The following CDADC1 variants were observed in gnomAD, a reference collection of about 807,000 sequenced individuals.
The protein encoded by CDADC1 is cytidine and dCMP deaminase domain containing 1.
In CDADC1, 39 loss-of-function variants were observed where a neutral mutation model predicts 54.9. The ratio of observed to expected loss-of-function variants is 0.71; its 90% CI spans 0.55 to 0.93. The LOEUF (loss-of-function observed/expected upper bound fraction) is 0.93. Among genes scored for constraint, CDADC1 ranks in the 40% least tolerant of loss-of-function variants. The pLI is 0.00. For missense variants in CDADC1, 518 were observed against 618.8 expected (o/e 0.84, Z 1.73); for synonymous variants, 186 against 204.0 (o/e 0.91, Z 0.75).
At chr13:49,267,366 C>A in intron 4 of CDADC1, 124 bp from the exon 5 acceptor site, 1 of 842,350 alleles carries the variant, frequency 1.2e-6, no homozygotes. Flanking sequence ...TAATAGGTGA[C>A]TTGGTAATAG....
intron 2 of CDADC1, among the ~76,000 whole-genome samples, chr13:49,254,350 A>G (rs1161973358): frequency 6.6e-6 from 1 of 151,148 alleles, no homozygotes; most frequent in Admixed American, 6.6e-5. Flanking sequence ...GTCAACATTT[A>G]CAAAGTTTCC....
At chr13:49,254,224 A>C (rs183151464) in intron 2 of CDADC1, among the ~76,000 whole-genome samples, 21 of 152,088 alleles carry the variant, frequency 1.4e-4, no homozygotes, top group Admixed American at 2.0e-4. Flanking sequence ...CACTTCCTCT[A>C]CTTCCTGTTC....
Position 49,268,049 on chromosome 13 carries a change from A to G in CDADC1, c.990A>G (p.Ala330=), listed in dbSNP as rs1952866721. ...RHCMVQARLL[A]YRTEDHKTGV... is the part of the protein sequence containing the mutation. ...GCATGGTTCAGGCCAGGTTATTGGC[A>G]TATCGAACTGGTGAGTTACATAGAT... The change falls in exon 5 of 10, where the codon GCA becomes GCG. Residue 330 remains alanine, a synonymous_variant. Transcript: ENST00000251108. The G allele has an allele frequency of 1.2e-6, 2 of 1,609,436 alleles. No individual in the cohort carries two copies. The highest frequency in any genetic ancestry group is 1.7e-6 in the Non-Finnish European group (2 of 1,178,478).
chr13:49,275,520 G>A (rs931617526), intron 6 of CDADC1, among the ~76,000 whole-genome samples: 1 of 151,044 alleles, frequency 6.6e-6, no homozygotes, highest in Admixed American at 6.6e-5. Context: ...ATGGGAAAAC[G>A]CATTTGATTT....
chr13:49,285,507 A>G (rs1953486737), intron 8 of CDADC1, among the ~76,000 whole-genome samples: 1 of 152,078 alleles, frequency 6.6e-6, no homozygotes, highest in South Asian at 2.1e-4. Context: ...TTTAATACCT[A>G]GGCCTTTTCT....
At chr13:49,254,235 T>C (rs1268682760) in intron 2 of CDADC1, among the ~76,000 whole-genome samples, 1 of 152,224 alleles carries the variant, frequency 6.6e-6, no homozygotes, top group Non-Finnish European at 1.5e-5. Flanking sequence ...CTTCCTGTTC[T>C]GTCTGAACAG....
chr13:49,251,232 A>G (rs913686216), intron 2 of CDADC1, among the ~76,000 whole-genome samples: 3 of 151,902 alleles, frequency 2.0e-5, no homozygotes, highest in African/African-American at 7.3e-5. Context: ...ACATGGTGAA[A>G]CCCCGTCTCT....
intron 8 of CDADC1, among the ~76,000 whole-genome samples, chr13:49,283,422 G>A (rs1953409585): frequency 6.6e-6 from 1 of 152,086 alleles, no homozygotes. Context: ...TATCCAACTA[G>A]TCAGAGAAAT....
intron 5 of CDADC1, among the ~76,000 whole-genome samples, chr13:49,269,620 A>T (rs1952913457): frequency 6.6e-6 from 1 of 152,182 alleles, no homozygotes; most frequent in Admixed American, 6.5e-5. Flanking sequence ...TTTTTCTGTA[A>T]ACCATTCAAA....
In CDADC1 at chr13:49,259,516, TGTAAATG is replaced by T. The variant is rs780073811; in HGVS notation, c.428_430+4del. 1 of 1,613,780 alleles carries T rather than the reference TGTAAATG, an allele frequency of 6.2e-7. No homozygotes were observed. On this transcript the variant is annotated frameshift_variant and splice_region_variant, in exon 4 of 10. Coordinates refer to ENST00000251108, the MANE Select transcript of CDADC1 (RefSeq NM_030911.4). LOFTEE classifies it high-confidence loss of function. ...CATGTTCTGCTTGTTTGAAAATGAT[TGTAAATG>T]GTAAGTGCAGAAAAGGGTTTGTTGG...
chr13:49,280,975 A>G (rs1254790974), intron 8 of CDADC1, among the ~76,000 whole-genome samples: 1 of 151,788 alleles, frequency 6.6e-6, no homozygotes, highest in Non-Finnish European at 1.5e-5. Context: ...CTGGGATTAC[A>G]GGCGCCGGCC....
At chr13:49,255,520 A>G (rs1300837395) in intron 2 of CDADC1, among the ~76,000 whole-genome samples, 2 of 152,190 alleles carry the variant, frequency 1.3e-5, no homozygotes, top group Admixed American at 1.3e-4. Context: ...TTAGTCATTC[A>G]TGGCCACACT....
intron 2 of CDADC1, among the ~76,000 whole-genome samples, chr13:49,251,364 C>T (rs1219018589): frequency 4.7e-5 from 7 of 148,650 alleles, no homozygotes; most frequent in Non-Finnish European, 8.9e-5. Context: ...GCTGAGATCA[C>T]GCCACTGCAC....
Position 49,286,291 on chromosome 13 carries a change from T to A in CDADC1, c.1471+9T>A. The A allele has an allele frequency of 1.2e-6, 2 of 1,603,630 alleles. No homozygotes were observed. Among genetic ancestry groups the A allele is most frequent in the Non-Finnish European group, 1.7e-6 (2 of 1,170,854 alleles). ...GCCTGAAAGGAGAGAAAGTAAGTATTTATGTATTGAGGTGAACTTTGTTGC... is the reference window on the plus strand; with the variant it reads ...GCCTGAAAGGAGAGAAAGTAAGTATATATGTATTGAGGTGAACTTTGTTGC... On this transcript the variant is annotated intron_variant, in intron 9 of 9. Transcript: ENST00000251108.
intron 8 of CDADC1, among the ~76,000 whole-genome samples, chr13:49,285,698 C>T (rs1398276432): frequency 6.6e-6 from 1 of 152,164 alleles, no homozygotes; most frequent in Non-Finnish European, 1.5e-5. Flanking sequence ...GAATCTTCAA[C>T]TTCTCTAAGA....
chr13:49,279,398 G>GGAA lies in CDADC1; in HGVS notation c.1220+881_1220+883dup, dbSNP rs1459648450. On this transcript the variant is annotated intron_variant, in intron 7 of 9. Coordinates refer to ENST00000251108, the MANE Select transcript of CDADC1 (RefSeq NM_030911.4). ...AAAGGATTCCTAGACTGGGGCAATT[G>GGAA]GAAGGGAAGGGAAGACCATTCTTGC... Among the ~76,000 whole-genome samples the GGAA allele has an allele frequency of 3.3e-5, 5 of 152,286 alleles. No individual in the cohort carries two copies. The East Asian group carries it at 9.6e-4, about 29-fold the overall frequency.
At chr13:49,284,651 C>A (rs1241618081) in intron 8 of CDADC1, among the ~76,000 whole-genome samples, 1 of 152,172 alleles carries the variant, frequency 6.6e-6, no homozygotes, top group African/African-American at 2.4e-5. Context: ...TTCTCTCTTT[C>A]TTGGTGCTAG....
intron 1 of CDADC1, 170 bp downstream of exon 1, chr13:49,248,289 G>T: frequency 3.4e-6 from 2 of 585,632 alleles, no homozygotes; most frequent in South Asian, 4.2e-5. Flanking sequence ...GGACCAATCG[G>T]CTCGGTCGCA....
At chr13:49,262,194 A>T (rs1314315652) in intron 4 of CDADC1, among the ~76,000 whole-genome samples, 2 of 152,158 alleles carry the variant, frequency 1.3e-5, no homozygotes, top group Non-Finnish European at 2.9e-5. Context: ...TCTAGTCCCA[A>T]CATTTTGTGA....
Sources: allele counts gnomAD v4.1 joint callset (sites outside exome capture counted in the v4.1 genomes callset), GRCh38; gene constraint gnomAD v4.1.1; transcripts MANE v1.5; gene names NCBI Gene and HGNC (gene_info 2026-07-23, HGNC 2026-07-21).